The following PTPRT variants were observed in gnomAD, a reference collection of about 807,000 sequenced individuals.
The protein encoded by PTPRT is protein tyrosine phosphatase receptor type T, also known as receptor-type tyrosine-protein phosphatase T.
A neutral mutation model predicts 176.8 loss-of-function variants in PTPRT; 56 were observed. The ratio of observed to expected loss-of-function variants is 0.32; its 90% CI spans 0.26 to 0.40. The LOEUF is 0.40. Ranked by LOEUF, PTPRT falls within the 10% of genes least tolerant of loss-of-function variation. The pLI, the probability that PTPRT is intolerant of heterozygous loss-of-function variation, is 1.00. For missense variants in PTPRT, 1,540 were observed against 1,908.2 expected (o/e 0.81, Z 3.60); for synonymous variants, 783 against 739.0 (o/e 1.06, Z -0.96).
At chr20:42,895,226 G>C (rs559758387) in intron 1 of PTPRT, among the ~76,000 whole-genome samples, 1 of 152,294 alleles carries the variant, frequency 6.6e-6, no homozygotes, top group South Asian at 2.1e-4. Context: ...AGGAATCTCA[G>C]ACCAAAGTTG....
At chr20:42,365,104 T>G (rs1883228052) in intron 9 of PTPRT, among the ~76,000 whole-genome samples, 1 of 152,234 alleles carries the variant, frequency 6.6e-6, no homozygotes, top group South Asian at 2.1e-4. Flanking sequence ...TAACCCAAGG[T>G]ATCCACAATG....
intron 9 of PTPRT, among the ~76,000 whole-genome samples, chr20:42,424,634 G>A (rs118156646): frequency 0.011 from 1,645 of 152,146 alleles, 16 homozygotes; most frequent in East Asian, 0.036. Context: ...CTGTCTATGA[G>A]GATGGATGCA....
intron 2 of PTPRT, among the ~76,000 whole-genome samples, chr20:42,864,205 A>G (rs912714481): frequency 1.3e-5 from 2 of 152,232 alleles, no homozygotes; most frequent in African/African-American, 4.8e-5. Context: ...CTCAGTAAGC[A>G]CACACTGGAC....
chr20:43,142,205 G>A (rs1347784518), intron 1 of PTPRT, among the ~76,000 whole-genome samples: 1 of 152,186 alleles, frequency 6.6e-6, no homozygotes, highest in East Asian at 1.9e-4. Context: ...AGTGAATCAT[G>A]CCCAACGTTC....
downstream of PTPRT, among the ~76,000 whole-genome samples, chr20:42,072,040 T>C (rs1982365642): frequency 6.6e-6 from 1 of 152,202 alleles, no homozygotes; most frequent in Non-Finnish European, 1.5e-5. Context: ...GAGTATTCCA[T>C]GTAACTAGCT....
intron 1 of PTPRT, among the ~76,000 whole-genome samples, chr20:43,072,611 G>A (rs1383775032): frequency 6.6e-6 from 1 of 152,118 alleles, no homozygotes; most frequent in Non-Finnish European, 1.5e-5. Context: ...AATTACCCAT[G>A]TAGAAAATTG....
At chr20:42,868,862 C>T (rs1007059053) in intron 2 of PTPRT, among the ~76,000 whole-genome samples, 1 of 152,050 alleles carries the variant, frequency 6.6e-6, no homozygotes, top group Non-Finnish European at 1.5e-5. Flanking sequence ...CCTCAGCACT[C>T]GCTGCTCTGT....
At chr20:42,243,085 G>C (rs1277872201) in intron 14 of PTPRT, among the ~76,000 whole-genome samples, 1 of 150,612 alleles carries the variant, frequency 6.6e-6, no homozygotes, top group African/African-American at 2.4e-5. Context: ...GAAAGAGAGA[G>C]AGACAGAGAG....
intron 2 of PTPRT, among the ~76,000 whole-genome samples, chr20:42,796,592 G>C (rs1370297139): frequency 6.6e-6 from 1 of 152,258 alleles, no homozygotes; most frequent in Non-Finnish European, 1.5e-5. Flanking sequence ...GAGCTGTACA[G>C]CCACAGAAGT....
the PTPRT span, among the ~76,000 whole-genome samples, chr20:42,066,946 A>G: frequency 6.6e-6 from 1 of 152,160 alleles, no homozygotes; most frequent in East Asian, 1.9e-4. Flanking sequence ...GTGGAGATTC[A>G]TTGTAAAATG....
chr20:42,186,397 C>T (rs1990784587), intron 16 of PTPRT, among the ~76,000 whole-genome samples: 1 of 147,114 alleles, frequency 6.8e-6, no homozygotes, highest in Non-Finnish European at 1.5e-5. Flanking sequence ...CCTTCTACCA[C>T]ACTTCCACCC....
At chr20:42,352,892 C>T (rs1302859876) in intron 9 of PTPRT, among the ~76,000 whole-genome samples, 4 of 151,636 alleles carry the variant, frequency 2.6e-5, no homozygotes, top group Admixed American at 1.3e-4. Context: ...AAACAGAGGG[C>T]GACCCACAGA....
chr20:42,254,748 T>C (rs139039264), intron 13 of PTPRT, among the ~76,000 whole-genome samples: 64 of 152,282 alleles, frequency 4.2e-4, no homozygotes, highest in African/African-American at 1.5e-3. Context: ...GTCATTATGG[T>C]TCCAAAGTCC....
chr20:42,693,713 C>T (rs1452696655), intron 6 of PTPRT, among the ~76,000 whole-genome samples: 1 of 152,124 alleles, frequency 6.6e-6, no homozygotes, highest in Non-Finnish European at 1.5e-5. Flanking sequence ...AAAGTCAATT[C>T]CAGGGTACTA....
chr20:42,600,155 T>C (rs761630209), intron 7 of PTPRT, among the ~76,000 whole-genome samples: 7 of 152,194 alleles, frequency 4.6e-5, no homozygotes, highest in Non-Finnish European at 1.0e-4. Context: ...TTTGTTTTGT[T>C]TTGAGATGGA....
chr20:43,142,144 T>C lies in PTPRT; in HGVS notation c.88+47502A>G, dbSNP rs142089115. On this transcript the variant is annotated intron_variant, in intron 1 of 30. Coordinates refer to ENST00000373187, the MANE Select transcript of PTPRT (RefSeq NM_007050.6). The stretch of plus-strand genomic sequence containing the variant: ...TCAAAGGAATCATCCTATATGCCCA[T>C]GCCCTAGGCACCTGGAAGTGCCTGG... Among the ~76,000 whole-genome samples the C allele has an allele frequency of 2.8e-3, 426 of 152,336 alleles. 2 individuals carry two copies. Among genetic ancestry groups the C allele is most frequent in the African/African-American group, 9.8e-3 (409 of 41,584 alleles).
intron 8 of PTPRT, among the ~76,000 whole-genome samples, chr20:42,457,746 G>C (rs1307086230): frequency 3.3e-5 from 5 of 152,178 alleles, no homozygotes; most frequent in Non-Finnish European, 7.4e-5. Context: ...ATTCTCCGTG[G>C]CAAGAGGGCT....
chr20:42,252,030 A>G (rs569378465), intron 13 of PTPRT, among the ~76,000 whole-genome samples: 1 of 152,324 alleles, frequency 6.6e-6, no homozygotes, highest in African/African-American at 2.4e-5. Context: ...GCTTAGGCTC[A>G]GGTGATGACA....
At chr20:42,321,708 G>T (rs2057799706) in intron 11 of PTPRT, among the ~76,000 whole-genome samples, 1 of 152,102 alleles carries the variant, frequency 6.6e-6, no homozygotes, top group Admixed American at 6.5e-5. Flanking sequence ...AACTTCATGA[G>T]GTCTGAGATC....
Sources: gnomAD v4.1 joint callset for allele counts (sites outside exome capture counted in the v4.1 genomes callset) on GRCh38, gnomAD v4.1.1 for gene constraint, MANE v1.5 for transcripts, NCBI Gene and HGNC (gene_info 2026-07-23, HGNC 2026-07-21) for gene names.